The following MAP2K5 variants were observed in gnomAD, a reference collection of about 807,000 sequenced individuals.
The protein encoded by MAP2K5 is dual specificity mitogen-activated protein kinase kinase 5.
MAP2K5 carries 49 observed loss-of-function variants against 83.1 expected under a neutral mutation model. The observed-to-expected ratio is 0.59, with a 90% CI of 0.47 to 0.75. MAP2K5 has a LOEUF of 0.75. Among genes scored for constraint, MAP2K5 ranks in the 30% least tolerant of loss-of-function variants. The probability of loss-of-function intolerance (pLI) is 0.00; values close to 1 mark genes in which losing one functional copy is unlikely to be tolerated. For missense variants in MAP2K5, 457 were observed against 557.5 expected, an observed-to-expected ratio of 0.82 and a Z score of 1.82; for synonymous variants, 202 against 191.8, an observed-to-expected ratio of 1.05 and a Z score of -0.44.
Position 67,639,677 on chromosome 15 carries a change from A to T in MAP2K5, c.586-6554A>T, listed in dbSNP as rs550517173. Among the ~76,000 whole-genome samples, 3 of 152,286 alleles carry T rather than the reference A, an allele frequency of 2.0e-5. No homozygotes were observed. In the South Asian group the frequency reaches 6.2e-4, roughly 32 times the overall value. On this transcript the variant is annotated intron_variant, in intron 9 of 21. Transcript: ENST00000178640. Reference sequence around the variant, plus strand: ...CCAGATAAACTAAAGACTTTAGAGGATGGAATTCAAGATCCTCCACGACAT... The same window carrying T: ...CCAGATAAACTAAAGACTTTAGAGGTTGGAATTCAAGATCCTCCACGACAT...
chr15:67,606,331 C>A (rs567398851), intron 8 of MAP2K5, among the ~76,000 whole-genome samples: 1 of 152,136 alleles, frequency 6.6e-6, no homozygotes, highest in African/African-American at 2.4e-5. Context: ...TGTTTGAAAA[C>A]TGAATTTTCT....
At chr15:67,754,539 C>A (rs2089789498) in intron 19 of MAP2K5, among the ~76,000 whole-genome samples, 1 of 152,126 alleles carries the variant, frequency 6.6e-6, no homozygotes, top group Non-Finnish European at 1.5e-5. Flanking sequence ...AAGACAAACT[C>A]ATGAATTAGA....
In MAP2K5 at chr15:67,628,690, C is replaced by T. The variant is rs191963285; in HGVS notation, c.546-2198C>T. The T allele has an allele frequency of 5.4e-4, 475 of 873,286 alleles. 2 individuals are homozygous for T. The highest frequency in any genetic ancestry group is 1.7e-4 in the Admixed American group (10 of 58,704). The allele number at this position is 873,286 out of a possible 1,614,324, so 54.1% of individuals were successfully genotyped here. ...ATAACCATACTGTGAATGGCCACAA[C>T]GGTGAAGTTAGGAAAGCCCTGTTAA... On this transcript the variant is annotated intron_variant, in intron 8 of 21. Transcript: ENST00000178640.
Position 67,748,149 on chromosome 15 carries a change from A to G in MAP2K5, c.1075-82A>G, listed in dbSNP as rs2089644375. 4 of 984,806 alleles carry G rather than the reference A, an allele frequency of 4.1e-6. No homozygotes were observed. The African/African-American group carries it at 4.8e-5, about 12-fold the overall frequency. 61.0% of individuals were successfully genotyped at this position (984,806 alleles called of 1,614,324 possible). A position where few individuals can be genotyped will look rare whatever the true frequency, so the allele number is the denominator to read the frequency against. Reference sequence around the variant, plus strand: ...CCCACAAATTGCCACCAGCAATGCAATAATTTTCTCTCAGTGATCATAATG... The same window carrying G: ...CCCACAAATTGCCACCAGCAATGCAGTAATTTTCTCTCAGTGATCATAATG... On this transcript the variant is annotated intron_variant, in intron 17 of 21. Transcript: ENST00000178640. The surrounding 1 kb of genome is among the most constrained non-coding windows in gnomAD (Gnocchi z 4.0).
rs1302419639 is a variant in MAP2K5, at chr15:67,779,918, T to C, written c.1242+7166T>C. ...AAGTATGTTACACTTTAGTTCCTCA[T>C]TGGCCATGACTCAGCTCACTAGAAC... On this transcript the variant is annotated intron_variant, in intron 21 of 21. Coordinates refer to ENST00000178640, the MANE Select transcript of MAP2K5 (RefSeq NM_145160.3). This position sits in a 1 kb window ranked among gnomAD's most constrained non-coding sequence, Gnocchi z 4.6. 6.6e-6 allele frequency among the ~76,000 whole-genome samples: 1 copy of C among 152,188 alleles called. No individual in the cohort carries two copies. The highest frequency in any genetic ancestry group is 1.5e-5 in the Non-Finnish European group (1 of 68,034).
chr15:67,768,490 G>A lies in MAP2K5; in HGVS notation c.1135-1112G>A, dbSNP rs1024190496. 2.6e-5 allele frequency among the ~76,000 whole-genome samples: 4 copies of A among 152,196 alleles called. No individual in the cohort carries two copies. Among genetic ancestry groups the A allele is most frequent in the African/African-American group, 9.7e-5 (4 of 41,450 alleles). On this transcript the variant is annotated intron_variant, in intron 19 of 21. Coordinates refer to ENST00000178640, the MANE Select transcript of MAP2K5 (RefSeq NM_145160.3). The surrounding 1 kb of genome is among the most constrained non-coding windows in gnomAD (Gnocchi z 4.0). ...AGTTTCTTGCCTGCAGCGCTGGAAG[G>A]TTGTATGTAATGATATATTGCTCAT... is the stretch of plus-strand genomic sequence containing the variant.
chr15:67,585,415 T>C (rs2085268108), intron 4 of MAP2K5, among the ~76,000 whole-genome samples: 1 of 152,240 alleles, frequency 6.6e-6, no homozygotes, highest in Non-Finnish European at 1.5e-5. Context: ...TGCTTATGGC[T>C]GTGCAAAGTA....
At chr15:67,729,085 T>C (rs997495074) in intron 17 of MAP2K5, among the ~76,000 whole-genome samples, 2 of 152,248 alleles carry the variant, frequency 1.3e-5, no homozygotes, top group Non-Finnish European at 2.9e-5. Context: ...CTTTTCCTTA[T>C]AGAGAAAATC....
intron 12 of MAP2K5, chr15:67,659,125 C>A: frequency 4.2e-6 from 1 of 236,212 alleles, no homozygotes. Flanking sequence ...AAGCAGTTTT[C>A]CCATATTCTT....
At position 67,722,633 on chromosome 15, in the gene MAP2K5, C is replaced by T. The variant is rs10518739; in HGVS notation, c.1045-5283C>T. 0.37 allele frequency among the ~76,000 whole-genome samples: 56,154 copies of T among 152,018 alleles called. 11,964 individuals carry two copies. Among genetic ancestry groups the T allele is most frequent in the Non-Finnish European group, 0.5 (33,739 of 67,946 alleles). The stretch of plus-strand genomic sequence containing the variant: ...AGCATAGTTTCAGATGATTTAAACT[C>T]TTTCTCTAGGACTGTGTAAATTGGT... On this transcript the variant is annotated intron_variant, in intron 16 of 21. Transcript: ENST00000178640. The surrounding 1 kb of genome is among the most constrained non-coding windows in gnomAD (Gnocchi z 4.2).
At chr15:67,673,415 T>G (rs1338663837) in intron 13 of MAP2K5, among the ~76,000 whole-genome samples, 1 of 152,164 alleles carries the variant, frequency 6.6e-6, no homozygotes, top group Non-Finnish European at 1.5e-5. Context: ...ATTTTAAGAT[T>G]AAAAATGTTA....
intron 13 of MAP2K5, among the ~76,000 whole-genome samples, chr15:67,674,504 A>C (rs1309843120): frequency 6.6e-6 from 1 of 152,194 alleles, no homozygotes; most frequent in Non-Finnish European, 1.5e-5. Context: ...TTAACAGGGT[A>C]AACAAACTCT....
chr15:67,544,957 A>G (rs1178855660), intron 1 of MAP2K5, among the ~76,000 whole-genome samples: 1 of 152,204 alleles, frequency 6.6e-6, no homozygotes, highest in East Asian at 1.9e-4. Flanking sequence ...TCCCCTCATG[A>G]TAAGGCCCAG....
intron 5 of MAP2K5, among the ~76,000 whole-genome samples, 156 bp from the exon 6 acceptor site, chr15:67,586,690 G>A (rs1490766733): frequency 6.6e-6 from 1 of 152,126 alleles, no homozygotes; most frequent in East Asian, 1.9e-4. Flanking sequence ...ATACGGTTTT[G>A]TAACCTATAT....
chr15:67,554,348 C>T (rs952383339), intron 2 of MAP2K5, among the ~76,000 whole-genome samples: 14 of 152,120 alleles, frequency 9.2e-5, no homozygotes, highest in East Asian at 3.8e-4. Flanking sequence ...TGTGAGCCAC[C>T]GCACCTGGCC....
In MAP2K5 at chr15:67,785,242, G is replaced by T. The variant is rs766516496; in HGVS notation, c.1242+12490G>T. 5.3e-5 allele frequency among the ~76,000 whole-genome samples: 8 copies of T among 152,152 alleles called. No individual in the cohort carries two copies. The highest frequency in any genetic ancestry group is 2.1e-4 in the South Asian group (1 of 4,834). On this transcript the variant is annotated intron_variant, in intron 21 of 21. Coordinates refer to ENST00000178640, the MANE Select transcript of MAP2K5 (RefSeq NM_145160.3). The surrounding 1 kb of genome is among the most constrained non-coding windows in gnomAD (Gnocchi z 4.4). ...TTACAGGTGTGAGCCACCGTGCCCG[G>T]CCCCGAACTGTTTCTTAAACACAGG... is the stretch of plus-strand genomic sequence containing the variant.
At position 67,601,011 on chromosome 15, in the gene MAP2K5, C is replaced by G. The variant is rs539192703; in HGVS notation, c.545+262C>G. On this transcript the variant is annotated intron_variant, in intron 8 of 21. Coordinates refer to ENST00000178640, the MANE Select transcript of MAP2K5 (RefSeq NM_145160.3). ...ATTAGTAAGTGTACCTTTAACTGGC[C>G]TGAAGTTTAATGCATTTTTTTCCTT... 2.0e-4 allele frequency among the ~76,000 whole-genome samples: 31 copies of G among 152,144 alleles called. 4 individuals are homozygous for G. In the South Asian group the frequency reaches 6.4e-3, roughly 32 times the overall value.
In MAP2K5 at chr15:67,561,628, A is replaced by AAACAAGTGC. The variant is rs1263356939; in HGVS notation, c.185-1654_185-1646dup. Among the ~76,000 whole-genome samples, 2 of 152,222 alleles carry AAACAAGTGC rather than the reference A, an allele frequency of 1.3e-5. No individual in the cohort carries two copies. The highest frequency in any genetic ancestry group is 4.8e-5 in the African/African-American group (2 of 41,458). On this transcript the variant is annotated intron_variant, in intron 2 of 21. Coordinates refer to ENST00000178640, the MANE Select transcript of MAP2K5 (RefSeq NM_145160.3). This position sits in a 1 kb window ranked among gnomAD's most constrained non-coding sequence, Gnocchi z 4.2. Reference sequence around the variant, plus strand: ...TCTGCAGCAGTGAACCAGGATCCAGAAACAAGTGCTTGGAAAGAAAACAAG... The same window carrying AAACAAGTGC: ...TCTGCAGCAGTGAACCAGGATCCAGAAACAAGTGCAACAAGTGCTTGGAAAGAAAACAAG...
intron 19 of MAP2K5, among the ~76,000 whole-genome samples, chr15:67,762,613 C>G (rs969001002): frequency 2.7e-5 from 4 of 146,952 alleles, no homozygotes; most frequent in Non-Finnish European, 6.0e-5. Context: ...TCCATTTTGA[C>G]ATTAATGACA....
Sources: gnomAD v4.1 joint callset for allele counts (sites outside exome capture counted in the v4.1 genomes callset) on GRCh38, gnomAD v4.1.1 for gene constraint, Gnocchi (gnomAD v3.1) non-coding constraint, MANE v1.5 for transcripts, NCBI Gene and HGNC (gene_info 2026-07-23, HGNC 2026-07-21) for gene names.